Variants in FGF14 observed in about 807,000 individuals in gnomAD.
The protein encoded by FGF14 is fibroblast growth factor homologous factor 4.
FGF14 carries 5 observed loss-of-function variants against 25.5 expected under a neutral mutation model. The observed-to-expected ratio is 0.20, with a 90% CI of 0.10 to 0.41. The LOEUF is 0.41. Among genes scored for constraint, FGF14 ranks in the 10% least tolerant of loss-of-function variants. FGF14 has a pLI of 1.00. For missense variants in FGF14, 222 were observed against 320.1 expected (o/e 0.69, Z 2.34); for synonymous variants, 138 against 118.3 (o/e 1.17, Z -1.08).
At chr13:101,856,978 G>T (rs2044159170) in intron 3 of FGF14, among the ~76,000 whole-genome samples, 1 of 151,970 alleles carries the variant, frequency 6.6e-6, no homozygotes, top group Non-Finnish European at 1.5e-5. Context: ...AAAGGCAGAT[G>T]AGTTCATTGG....
chr13:102,024,982 T>TAC (rs1202959263), intron 1 of FGF14, among the ~76,000 whole-genome samples: 1 of 150,842 alleles, frequency 6.6e-6, no homozygotes, highest in South Asian at 2.1e-4. Context: ...TTTATATATA[T>TAC]ACACACACAC....
intron 1 of FGF14, among the ~76,000 whole-genome samples, chr13:101,990,800 T>C (rs2139670489): frequency 6.6e-6 from 1 of 152,264 alleles, no homozygotes; most frequent in Middle Eastern, 3.4e-3. Context: ...AATTCTGGCT[T>C]GTTAGGAGCC....
At chr13:102,356,801 C>G (rs2057428453) in intron 1 of FGF14, among the ~76,000 whole-genome samples, 1 of 151,754 alleles carries the variant, frequency 6.6e-6, no homozygotes, top group Admixed American at 6.6e-5. Flanking sequence ...TACCCAGCAG[C>G]TGTTTTTAAA....
chr13:102,225,206 TCC>T (rs931893134), intron 1 of FGF14, among the ~76,000 whole-genome samples: 1 of 151,946 alleles, frequency 6.6e-6, no homozygotes, highest in Admixed American at 6.6e-5. Flanking sequence ...TCCCTCTCTC[TCC>T]CTCCTCTCTT....
rs9585763 is a variant in FGF14, at chr13:101,744,324, T to G, written c.409-17514A>C. ...TACCACCTAATTCAGGGCTGCTACA[T>G]GTATGTCATACAACTCTCGGGGACA... is the stretch of plus-strand genomic sequence containing the variant. On this transcript the variant is annotated intron_variant, in intron 3 of 4. Transcript: ENST00000376143. Among the ~76,000 whole-genome samples the G allele has an allele frequency of 1.5e-3, 224 of 152,232 alleles. 1 individual carries two copies. Among genetic ancestry groups the G allele is most frequent in the African/African-American group, 5.2e-3 (218 of 41,556 alleles).
At chr13:101,912,128 C>T (rs2033006936) in intron 1 of FGF14, among the ~76,000 whole-genome samples, 2 of 151,940 alleles carry the variant, frequency 1.3e-5, no homozygotes, top group Non-Finnish European at 2.9e-5. Context: ...ATGGATTTCA[C>T]TATCACACTG....
intron 1 of FGF14, among the ~76,000 whole-genome samples, chr13:102,061,477 C>T (rs550420073): frequency 1.3e-5 from 2 of 152,332 alleles, no homozygotes; most frequent in Non-Finnish European, 1.5e-5. Flanking sequence ...AAACTCCTCC[C>T]ATTTCAATAT....
intron 1 of FGF14, among the ~76,000 whole-genome samples, chr13:101,950,728 T>TTGCAGTGAGCCGAG (rs2036105377): frequency 6.7e-6 from 1 of 150,046 alleles, no homozygotes; most frequent in African/African-American, 2.5e-5. Context: ...GTGATCATCC[T>TTGCAGTGAGCCGAG]ATTAAACAGA....
intron 1 of FGF14, among the ~76,000 whole-genome samples, chr13:102,352,413 G>A (rs1261850251): frequency 2.0e-5 from 3 of 152,078 alleles, no homozygotes; most frequent in Admixed American, 2.0e-4. Context: ...AAGGAGACAA[G>A]TTGTTTTAAT....
intron 1 of FGF14, among the ~76,000 whole-genome samples, chr13:102,271,558 G>A (rs1240786703): frequency 2.0e-5 from 3 of 152,160 alleles, no homozygotes; most frequent in Admixed American, 6.5e-5. Context: ...CCAGATGAGT[G>A]AGCTCCTTTG....
rs377473398 is a variant in FGF14, at chr13:101,980,907, G to T, written c.209-105611C>A. ...GTATTAGGAGGTAGAGTCGTTAAGA[G>T]GTGATTCCACCCTCCTCAACGGAGT... On this transcript the variant is annotated intron_variant, in intron 1 of 4. Transcript: ENST00000376131. Among the ~76,000 whole-genome samples, 6 of 152,094 alleles carry T rather than the reference G, an allele frequency of 3.9e-5. No individual in the cohort carries two copies. In the East Asian group the frequency reaches 1.2e-3, roughly 29 times the overall value.
At chr13:101,795,073 G>T (rs189306403) in intron 3 of FGF14, among the ~76,000 whole-genome samples, 7 of 152,214 alleles carry the variant, frequency 4.6e-5, no homozygotes, top group Admixed American at 3.3e-4. Context: ...AAACCAAAAA[G>T]TGAGTTGGCC....
chr13:102,213,137 AC>A (rs1445761104), intron 1 of FGF14, among the ~76,000 whole-genome samples: 1 of 152,170 alleles, frequency 6.6e-6, no homozygotes, highest in African/African-American at 2.4e-5. Context: ...GCCAACATTT[AC>A]CCCGTCTGCC....
intron 1 of FGF14, among the ~76,000 whole-genome samples, chr13:102,037,823 C>A (rs1305568603): frequency 6.6e-6 from 1 of 152,126 alleles, no homozygotes; most frequent in Non-Finnish European, 1.5e-5. Context: ...TTGATAGACA[C>A]CATGCTTGCC....
At chr13:102,085,930 T>C (rs1340465176) in intron 1 of FGF14, among the ~76,000 whole-genome samples, 1 of 152,212 alleles carries the variant, frequency 6.6e-6, no homozygotes, top group East Asian at 1.9e-4. Context: ...TAAGTTGCTG[T>C]CTTGAAAACC....
intron 1 of FGF14, among the ~76,000 whole-genome samples, chr13:101,968,216 G>A (rs762142617): frequency 2.6e-5 from 4 of 152,122 alleles, no homozygotes; most frequent in Non-Finnish European, 4.4e-5. Flanking sequence ...ATGCATAAAG[G>A]TGAAATTGTT....
chr13:101,943,880 T>C lies in FGF14; in HGVS notation c.209-68584A>G, dbSNP rs2035627846. Among the ~76,000 whole-genome samples the C allele has an allele frequency of 1.4e-5, 2 of 146,726 alleles. 1 individual carries two copies. On this transcript the variant is annotated intron_variant, in intron 1 of 4. Coordinates refer to the FGF14 transcript ENST00000376131. ...AGCCAGGTGTGGTGGCGCATGCCTG[T>C]AATCCCAGGTACTGGGGAGGCTGAG... is the stretch of plus-strand genomic sequence containing the variant.
At chr13:102,311,254 C>G (rs2055751493) in intron 1 of FGF14, among the ~76,000 whole-genome samples, 1 of 152,090 alleles carries the variant, frequency 6.6e-6, no homozygotes, top group Non-Finnish European at 1.5e-5. Context: ...ATGAACAGAT[C>G]ACACTGCATT....
chr13:102,288,508 A>T (rs1238262992), intron 1 of FGF14, among the ~76,000 whole-genome samples: 1 of 152,160 alleles, frequency 6.6e-6, no homozygotes, highest in Non-Finnish European at 1.5e-5. Flanking sequence ...TTATTTGTGG[A>T]GTAAAATACA....
Sources: gnomAD v4.1 joint callset for allele counts (sites outside exome capture counted in the v4.1 genomes callset) on GRCh38, gnomAD v4.1.1 for gene constraint, MANE v1.5 for transcripts, NCBI Gene and HGNC (gene_info 2026-07-23, HGNC 2026-07-21) for gene names.